The following SLFN13 variants were observed in gnomAD, a reference collection of about 807,000 sequenced individuals.
SLFN13 encodes schlafen family member 13.
A neutral mutation model predicts 50.6 loss-of-function variants in SLFN13; 43 were observed. That is an observed-to-expected ratio of 0.85 (90% confidence interval 0.67 to 1.09). SLFN13 has a LOEUF of 1.09. SLFN13 is among the 50% of genes least tolerant of loss of function. The pLI is 0.00. For missense variants in SLFN13, 881 were observed against 1,071.1 expected (o/e 0.82, Z 2.48); for synonymous variants, 339 against 386.5 (o/e 0.88, Z 1.44).
Position 35,444,890 on chromosome 17 carries a change from A to G in SLFN13, c.791T>C (p.Val264Ala), listed in dbSNP as rs2142090070. ...RKVLGCAKEQ[V>A]DPDSLKNVIA... is the part of the protein sequence containing the mutation. ...TACATTTTTCAAAGAGTCAGGGTCA[A>G]CCTGTTCTTTGGCACATCCCAGGAC... The change falls in exon 3 of 6, where the codon GTT (valine) becomes GCT (alanine). Residue 264 changes from valine to alanine, a missense_variant. Physicochemically the swap from Val to Ala is moderately conservative, Grantham distance 64. Around this residue, in one of 5 missense-constraint regions of SLFN13, gnomAD observed 497 missense variants for 518.3 expected, o/e 0.96. Coordinates refer to ENST00000285013, the MANE Select transcript of SLFN13 (RefSeq NM_144682.6). 6.2e-7 allele frequency: 1 copy of G among 1,614,214 alleles called. No individual in the cohort carries two copies. Among genetic ancestry groups the G allele is most frequent in the Non-Finnish European group, 8.5e-7 (1 of 1,180,028 alleles).
chr17:35,447,632 C>T lies in SLFN13; in HGVS notation c.-160-218G>A, dbSNP rs187786042. On this transcript the variant is annotated intron_variant, in intron 1 of 5. Coordinates refer to ENST00000285013, the MANE Select transcript of SLFN13 (RefSeq NM_144682.6). Reference sequence around the variant, plus strand: ...TCCCATCCACTCCCAAGCCCCCCACCCCACTGAGGAAAACTGGTGGGGACT... The same window carrying T: ...TCCCATCCACTCCCAAGCCCCCCACTCCACTGAGGAAAACTGGTGGGGACT... Among the ~76,000 whole-genome samples the T allele has an allele frequency of 2.2e-3, 336 of 152,268 alleles. 3 individuals are homozygous for T. The highest frequency in any genetic ancestry group is 7.6e-3 in the African/African-American group (316 of 41,548).
At position 35,443,928 on chromosome 17, in the gene SLFN13, A is replaced by G. The variant is rs1207012012; in HGVS notation, c.1067-8T>C. 2 of 1,612,126 alleles carry G rather than the reference A, an allele frequency of 1.2e-6. No homozygotes were observed. Among genetic ancestry groups the G allele is most frequent in the Non-Finnish European group, 1.7e-6 (2 of 1,178,880 alleles). On this transcript the variant is annotated splice_polypyrimidine_tract_variant and splice_region_variant and intron_variant, in intron 3 of 5. Transcript: ENST00000285013. Reference sequence around the variant, plus strand: ...CAAAGTCTGGAGGAAACTCTGAAAGAAAGAACATTTTAATTTACACTATAT... The same window carrying G: ...CAAAGTCTGGAGGAAACTCTGAAAGGAAGAACATTTTAATTTACACTATAT...
chr17:35,440,819 A>G lies in SLFN13; in HGVS notation c.2470T>C (p.Ser824Pro), dbSNP rs115306180. ...TTCCTCATTGCTTTCAAGAGCTTAG[A>G]CTGATACTGCTCCACTTCTGTCACG... ...STVTEVEQYQ[S>P]KLLKAMRKKM... The change falls in exon 6 of 6, where the codon TCT (serine) becomes CCT (proline). Residue 824 changes from serine to proline, a missense_variant. Physicochemically the swap from Ser to Pro is moderately conservative, Grantham distance 74 (BLOSUM62 -1). This residue lies in a region of SLFN13 where 322 missense variants were observed against 327.4 expected (regional missense o/e 0.98). Coordinates refer to ENST00000285013, the MANE Select transcript of SLFN13 (RefSeq NM_144682.6). 6.2e-7 allele frequency: 1 copy of G among 1,614,112 alleles called. No homozygotes were observed. The highest frequency in any genetic ancestry group is 8.5e-7 in the Non-Finnish European group (1 of 1,180,016).
rs1912843271 is a variant in SLFN13 at position 35,441,048 on chromosome 17, T to A, written c.2241A>T (p.Leu747=). ...IAEYIQQEMQ[L]IIENPPINIP... is the part of the protein sequence containing the mutation. The stretch of plus-strand genomic sequence containing the variant: ...TATTAATTGGAGGATTTTCTATAAT[T>A]AGTTGCATTTCTTGTTGTATGTACT... The change falls in exon 6 of 6, where the codon CTA becomes CTT. Residue 747 remains leucine (L), a synonymous_variant. Transcript: ENST00000285013. 3.1e-6 allele frequency: 5 copies of A among 1,613,620 alleles called. No homozygotes were observed. The highest frequency in any genetic ancestry group is 4.2e-6 in the Non-Finnish European group (5 of 1,180,012).
chr17:35,442,214 T>C lies in SLFN13; in HGVS notation c.1271A>G (p.Lys424Arg). The C allele has an allele frequency of 8.1e-6, 13 of 1,613,844 alleles. No individual in the cohort carries two copies. The highest frequency in any genetic ancestry group is 1.1e-5 in the Non-Finnish European group (13 of 1,179,816). ...KELSLQHEGLKELIHKQMRPF... is the reference protein window; with the variant it reads ...KELSLQHEGLRELIHKQMRPF... ...TCGCATTTGCTTGTGTATTAACTCC[T>C]TTAGTCCTTCATGCTGTAAAGACAG... Residue 424 changes from lysine to arginine, a missense_variant, in exon 5 of 6, where the codon AAG becomes AGG. Lys to Arg is a conservative substitution (Grantham distance 26). Transcript: ENST00000285013.
At chr17:35,444,021 A>G in intron 3 of SLFN13, 101 bp from the exon 4 acceptor site, 1 of 1,197,124 alleles carries the variant, frequency 8.4e-7, no homozygotes, top group Non-Finnish European at 1.1e-6. Context: ...ACATGGTACA[A>G]GTCAGGCCAC....
In SLFN13 at chr17:35,442,221, C is replaced by T. The variant is rs115323809; in HGVS notation, c.1264G>A (p.Gly422Arg). 441 of 1,613,444 alleles carry T rather than the reference C, an allele frequency of 2.7e-4. No homozygotes were observed. The African/African-American group carries it at 5.4e-3, about 20-fold the overall frequency. Residue 422 changes from glycine (G) to arginine (R), a missense_variant, in exon 5 of 6, where the codon GGA becomes AGA. This residue lies in a region of SLFN13 where 497 missense variants were observed against 518.3 expected (regional missense o/e 0.96). Coordinates refer to ENST00000285013, the MANE Select transcript of SLFN13 (RefSeq NM_144682.6). ...LWKELSLQHE[G>R]LKELIHKQMR... The stretch of plus-strand genomic sequence containing the variant: ...TGCTTGTGTATTAACTCCTTTAGTC[C>T]TTCATGCTGTAAAGACAGCTCCTTC...
At position 35,441,084 on chromosome 17, in the gene SLFN13, A is replaced by G; in HGVS notation, c.2205T>C (p.Asp735=). Residue 735 remains aspartate (D), a synonymous_variant, in exon 6 of 6, where the codon GAT becomes GAC. Coordinates refer to ENST00000285013, the MANE Select transcript of SLFN13 (RefSeq NM_144682.6). ...EELTRVVRNA[D]EIAEYIQQEM... is the part of the protein sequence containing the mutation. ...CTTGTTGTATGTACTCGGCTATTTC[A>G]TCTGCATTGCGAACTACTCTGGTGA... 4 of 1,614,030 alleles carry G rather than the reference A, an allele frequency of 2.5e-6. No homozygotes were observed. Among genetic ancestry groups the G allele is most frequent in the South Asian group, 1.1e-5 (1 of 91,082 alleles).
At chr17:35,444,018 A>G in intron 3 of SLFN13, 98 bp from the exon 4 acceptor site, 1 of 1,238,424 alleles carries the variant, frequency 8.1e-7, no homozygotes, top group Non-Finnish European at 1.1e-6. Flanking sequence ...CTAACATGGT[A>G]CAAGTCAGGC....
rs1463126947 is a variant in SLFN13, at chr17:35,441,600, A to G, written c.1885T>C (p.Tyr629His). The change falls in exon 5 of 6, where the codon TAC (tyrosine) becomes CAC (histidine). Residue 629 changes from tyrosine (Y) to histidine (H), a missense_variant. Transcript: ENST00000285013. Reference protein sequence around the residue: ...VFHCEAHRILYVCENQPLRNF... With the variant: ...VFHCEAHRILHVCENQPLRNF... ...CTCAGAGGCTGGTTTTCACAAACGT[A>G]GAGAATTCTGTGTGCCTCACAGTGA... 1.3e-6 allele frequency: 2 copies of G among 1,592,160 alleles called. No individual in the cohort carries two copies. The highest frequency in any genetic ancestry group is 1.7e-6 in the Non-Finnish European group (2 of 1,172,892).
At chr17:35,444,028 C>T in intron 3 of SLFN13, 108 bp from the exon 4 acceptor site, 2 of 1,112,012 alleles carry the variant, frequency 1.8e-6, no homozygotes, top group African/African-American at 1.6e-5. Flanking sequence ...ACAAGTCAGG[C>T]CACAAAGTCA....
At chr17:35,442,387 T>C in intron 4 of SLFN13, 101 bp from the exon 5 acceptor site, 1 of 1,331,002 alleles carries the variant, frequency 7.5e-7, no homozygotes, top group South Asian at 1.6e-5. Context: ...CCCAAAGAAT[T>C]GTACAATTTA....
At position 35,440,410 on chromosome 17, in the gene SLFN13, A is replaced by G; in HGVS notation, c.*185T>C. 2.9e-6 allele frequency: 2 copies of G among 689,048 alleles called. No homozygotes were observed. Among genetic ancestry groups the G allele is most frequent in the Non-Finnish European group, 4.8e-6 (2 of 416,274 alleles). The allele number at this position is 689,048 out of a possible 1,614,324, so 42.7% of individuals were successfully genotyped here. On this transcript the variant is annotated 3_prime_UTR_variant, in exon 6 of 6. Transcript: ENST00000285013. Reference sequence around the variant, plus strand: ...ATGGGGGGCAGCCACCACTGCTGAAAAGAGTTGGGGGAGGAACCCCTGAAA... The same window carrying G: ...ATGGGGGGCAGCCACCACTGCTGAAGAGAGTTGGGGGAGGAACCCCTGAAA...
In SLFN13 at chr17:35,437,784, CT is replaced by C. The variant is rs56777016; in HGVS notation, c.*2810del. 6.6e-6 allele frequency: 1 copy of C among 151,674 alleles called. No homozygotes were observed. The highest frequency in any genetic ancestry group is 1.5e-5 in the Non-Finnish European group (1 of 67,908). The allele number at this position is 151,674 out of a possible 1,614,324, so 9.4% of individuals were successfully genotyped here. ...GTGGGGTATATAGGAACTTTCTGTA[CT>C]ATGCTTGCAACTTTTCTATATGTCT... On this transcript the variant is annotated 3_prime_UTR_variant, in exon 6 of 6. Transcript: ENST00000285013.
rs1912709255 is a variant in SLFN13, at chr17:35,438,769, A to G, written c.*1826T>C. Reference sequence around the variant, plus strand: ...GGAAATCAGCCAAATAGGATTACTTATAAATGGAATATTGGGCATGTGGTT... The same window carrying G: ...GGAAATCAGCCAAATAGGATTACTTGTAAATGGAATATTGGGCATGTGGTT... On this transcript the variant is annotated 3_prime_UTR_variant, in exon 6 of 6. Transcript: ENST00000285013. 1 of 152,176 alleles carries G rather than the reference A, an allele frequency of 6.6e-6. No individual in the cohort carries two copies. The highest frequency in any genetic ancestry group is 2.4e-5 in the African/African-American group (1 of 41,462). 9.4% of individuals were successfully genotyped at this position (152,176 alleles called of 1,614,324 possible).
chr17:35,445,481 T>A lies in SLFN13; in HGVS notation c.200A>T (p.Asn67Ile), dbSNP rs767114841. ...GGGVIQMEMANRDERPTEMGL... is the reference protein window; with the variant it reads ...GGGVIQMEMAIRDERPTEMGL... The stretch of plus-strand genomic sequence containing the variant: ...CATCTCTGTGGGACGCTCATCCCTG[T>A]TGGCCATTTCCATCTGAATCACTCC... The change falls in exon 3 of 6, where the codon AAC (asparagine) becomes ATC (isoleucine). Residue 67 changes from asparagine (N) to isoleucine (I), a missense_variant. Physicochemically the swap from Asn to Ile is moderately radical, Grantham distance 149. Transcript: ENST00000285013. 2 of 1,614,114 alleles carry A rather than the reference T, an allele frequency of 1.2e-6. No homozygotes were observed. Among genetic ancestry groups the A allele is most frequent in the Non-Finnish European group, 1.7e-6 (2 of 1,180,046 alleles).
Position 35,445,228 on chromosome 17 carries a change from G to T in SLFN13, c.453C>A (p.Phe151Leu). 1 of 1,613,854 alleles carries T rather than the reference G, an allele frequency of 6.2e-7. No individual in the cohort carries two copies. The highest frequency in any genetic ancestry group is 8.5e-7 in the Non-Finnish European group (1 of 1,179,994). Residue 151 changes from phenylalanine to leucine, a missense_variant, in exon 3 of 6, where the codon TTC becomes TTA. Phe to Leu is a conservative substitution (Grantham distance 22). This residue lies in a region of SLFN13 where 497 missense variants were observed against 518.3 expected (regional missense o/e 0.96). Coordinates refer to ENST00000285013, the MANE Select transcript of SLFN13 (RefSeq NM_144682.6). Reference sequence around the variant, plus strand: ...GTCTTTCCTTGGTCTTCAGGAAATCGAATGCCTGTCTTGAATTCATGTGAA... The same window carrying T: ...GTCTTTCCTTGGTCTTCAGGAAATCTAATGCCTGTCTTGAATTCATGTGAA... The part of the protein sequence containing the change: ...SVLHMNSRQA[F>L]DFLKTKERQS...
At position 35,444,812 on chromosome 17, in the gene SLFN13, G is replaced by A. The variant is rs568427809; in HGVS notation, c.869C>T (p.Pro290Leu). 1.9e-6 allele frequency: 3 copies of A among 1,614,132 alleles called. No homozygotes were observed. Among genetic ancestry groups the A allele is most frequent in the African/African-American group, 1.3e-5 (1 of 75,030 alleles). The change falls in exon 3 of 6, where the codon CCT (proline) becomes CTT (leucine). Residue 290 changes from proline (P) to leucine (L), a missense_variant. Transcript: ENST00000285013. ...GATTTTGGTGCTGTACTCTACCCGA[G>A]GTTTTGAAGAGCAAAAATGAACAAT... is the stretch of plus-strand genomic sequence containing the variant. Reference protein sequence around the residue: ...LPIVHFCSSKPRVEYSTKIVE... With the variant: ...LPIVHFCSSKLRVEYSTKIVE...
rs1912639178 is a variant in SLFN13, at chr17:35,436,127, G to A, written c.*4468C>T. The A allele has an allele frequency of 6.6e-6, 1 of 152,092 alleles. No homozygotes were observed. Among genetic ancestry groups the A allele is most frequent in the Non-Finnish European group, 1.5e-5 (1 of 68,028 alleles). 9.4% of individuals were successfully genotyped at this position (152,092 alleles called of 1,614,324 possible). On this transcript the variant is annotated 3_prime_UTR_variant, in exon 6 of 6. Coordinates refer to ENST00000285013, the MANE Select transcript of SLFN13 (RefSeq NM_144682.6). ...CTTTACCTATCAGACTTGTTATCAA[G>A]ATTATGCCAGCCTCATGAAATTAGT...
Sources: allele counts gnomAD v4.1 joint callset (sites outside exome capture counted in the v4.1 genomes callset), GRCh38; gene constraint gnomAD v4.1.1; regional missense constraint gnomAD v4.1.1; transcripts MANE v1.5; gene names NCBI Gene and HGNC (gene_info 2026-07-23, HGNC 2026-07-21).